Variants in SLC26A7 observed in about 807,000 individuals in gnomAD.
SLC26A7 encodes the protein anion exchange transporter.
In SLC26A7, 59 loss-of-function variants were observed where a neutral mutation model predicts 82.5. The observed-to-expected ratio is 0.72, with a 90% CI of 0.58 to 0.89. The LOEUF is 0.89. Ranked by LOEUF, SLC26A7 falls within the 40% of genes least tolerant of loss-of-function variation. The pLI is 0.00. For missense variants in SLC26A7, 820 were observed against 793.0 expected, an observed-to-expected ratio of 1.03 and a Z score of -0.41; for synonymous variants, 271 against 274.3, an observed-to-expected ratio of 0.99 and a Z score of 0.12.
At chr8:91,346,913 T>C (rs771134736) in intron 9 of SLC26A7, among the ~76,000 whole-genome samples, 1 of 152,180 alleles carries the variant, frequency 6.6e-6, no homozygotes, top group Non-Finnish European at 1.5e-5. Context: ...ATCCTTCGTA[T>C]CTCACTGCCA....
intron 2 of SLC26A7, among the ~76,000 whole-genome samples, chr8:91,260,918 C>T (rs544732216): frequency 6.6e-6 from 1 of 152,078 alleles, no homozygotes; most frequent in Non-Finnish European, 1.5e-5. Context: ...TGTTTTCACA[C>T]AATTATGGTT....
chr8:91,323,696 T>A (rs1412444583), intron 5 of SLC26A7, among the ~76,000 whole-genome samples: 5 of 152,192 alleles, frequency 3.3e-5, no homozygotes, highest in Admixed American at 3.3e-4. Flanking sequence ...TGGGGTATAA[T>A]GATGTAAAAA....
chr8:91,362,787 CTAATGA>C (rs1814086211), intron 12 of SLC26A7, among the ~76,000 whole-genome samples: 1 of 151,912 alleles, frequency 6.6e-6, no homozygotes, highest in South Asian at 2.1e-4. Context: ...GAGTTAGTAG[CTAATGA>C]TCACAAACCA....
chr8:91,317,939 G>GAT (rs35028681), intron 4 of SLC26A7, among the ~76,000 whole-genome samples: 115 of 140,510 alleles, frequency 8.2e-4, no homozygotes, highest in East Asian at 4.4e-3. Context: ...ACTATAATAA[G>GAT]ATATATATAT....
intron 2 of SLC26A7, among the ~76,000 whole-genome samples, chr8:91,236,128 A>T (rs185542617): frequency 6.4e-4 from 97 of 152,344 alleles, no homozygotes; most frequent in Middle Eastern, 3.4e-3. Flanking sequence ...CCAAATATTT[A>T]TATCTTAATT....
chr8:91,392,893 G>A (rs1808442228), intron 16 of SLC26A7, among the ~76,000 whole-genome samples: 1 of 152,076 alleles, frequency 6.6e-6, no homozygotes, highest in Admixed American at 6.6e-5. Context: ...GCAAAAATGG[G>A]AGCCATTTAT....
At chr8:91,368,429 T>G (rs1357067157) in intron 14 of SLC26A7, among the ~76,000 whole-genome samples, 2 of 151,750 alleles carry the variant, frequency 1.3e-5, no homozygotes, top group East Asian at 1.9e-4. Flanking sequence ...TTTTTTGTTT[T>G]TTTTTTTGAG....
At chr8:91,349,977 T>G (rs560332549) in intron 9 of SLC26A7, among the ~76,000 whole-genome samples, 1 of 152,218 alleles carries the variant, frequency 6.6e-6, no homozygotes, top group Non-Finnish European at 1.5e-5. Flanking sequence ...AAAATTCTTA[T>G]GTAAAATCAC....
chr8:91,254,349 A>G (rs1586325119), intron 2 of SLC26A7, among the ~76,000 whole-genome samples: 1 of 152,076 alleles, frequency 6.6e-6, no homozygotes, highest in African/African-American at 2.4e-5. Flanking sequence ...ACCATTACCT[A>G]CCTAGCTCTA....
intron 2 of SLC26A7, among the ~76,000 whole-genome samples, chr8:91,285,569 A>G (rs1451159923): frequency 6.6e-6 from 1 of 152,250 alleles, no homozygotes; most frequent in Non-Finnish European, 1.5e-5. Context: ...ATTTTAGGGG[A>G]ACACAATTCA....
rs191929915 is a variant in SLC26A7 at position 91,296,864 on chromosome 8, G to A, written c.477+1161G>A. Among the ~76,000 whole-genome samples, 22 of 152,176 alleles carry A rather than the reference G, an allele frequency of 1.4e-4. No homozygotes were observed. The East Asian group carries it at 4.3e-3, about 29-fold the overall frequency. On this transcript the variant is annotated intron_variant, in intron 4 of 18. Transcript: ENST00000276609. ...ACCATGGATGTCAGCCTATTCTGAG[G>A]CTTGCACAGACAGGCTTAGTGGCTT...
chr8:91,265,511 A>G (rs1380086709), intron 2 of SLC26A7, among the ~76,000 whole-genome samples: 1 of 152,036 alleles, frequency 6.6e-6, no homozygotes, highest in Non-Finnish European at 1.5e-5. Context: ...CCAACAGTAT[A>G]TAAGAATTTC....
chr8:91,384,740 A>G (rs1315951305), intron 15 of SLC26A7, among the ~76,000 whole-genome samples: 2 of 151,416 alleles, frequency 1.3e-5, no homozygotes, highest in Non-Finnish European at 2.9e-5. Flanking sequence ...GGCACTCAAT[A>G]CATCTATATT....
intron 3 of SLC26A7, among the ~76,000 whole-genome samples, chr8:91,291,894 A>G (rs1035027765): frequency 3.7e-4 from 56 of 152,346 alleles, no homozygotes; most frequent in African/African-American, 1.3e-3. Flanking sequence ...CGAATGAGCT[A>G]CCACACAATA....
chr8:91,279,588 G>A (rs1321202862), intron 2 of SLC26A7, among the ~76,000 whole-genome samples: 1 of 152,106 alleles, frequency 6.6e-6, no homozygotes, highest in Non-Finnish European at 1.5e-5. Flanking sequence ...TTGAGACGGA[G>A]TCTCGCTGTT....
At chr8:91,357,286 T>G (rs965163062) in intron 11 of SLC26A7, 5 of 152,210 alleles carry the variant, frequency 3.3e-5, no homozygotes, top group African/African-American at 1.2e-4. Context: ...TGTTGGCTTC[T>G]AGTGTCCTCC....
At chr8:91,226,084 C>A (rs1290228893) in intron 2 of SLC26A7, among the ~76,000 whole-genome samples, 1 of 152,192 alleles carries the variant, frequency 6.6e-6, no homozygotes, top group Non-Finnish European at 1.5e-5. Context: ...TCATTTTCTT[C>A]TCTTTGAGTG....
At chr8:91,305,521 C>T (rs1812280843) in intron 4 of SLC26A7, among the ~76,000 whole-genome samples, 1 of 152,090 alleles carries the variant, frequency 6.6e-6, no homozygotes, top group South Asian at 2.1e-4. Context: ...GACTGTATGA[C>T]TATTGTTTTA....
chr8:91,233,616 GT>G lies in SLC26A7; in HGVS notation c.-34+14612del, dbSNP rs1452129482. The stretch of plus-strand genomic sequence containing the variant: ...AAAAAAAGAAAAAGAAAAAGAAAAC[GT>G]AGGAGAGGGGTGTGGAACCTGAAAT... On this transcript the variant is annotated intron_variant, in intron 2 of 5. Coordinates refer to the SLC26A7 transcript ENST00000522862. Among the ~76,000 whole-genome samples the G allele has an allele frequency of 5.9e-5, 9 of 151,940 alleles. No individual in the cohort carries two copies. In the East Asian group the frequency reaches 1.5e-3, roughly 26 times the overall value.
Sources: gnomAD v4.1 joint callset for allele counts (sites outside exome capture counted in the v4.1 genomes callset) on GRCh38, gnomAD v4.1.1 for gene constraint, MANE v1.5 for transcripts, NCBI Gene and HGNC (gene_info 2026-07-23, HGNC 2026-07-21) for gene names.